FAM135B: variants seen among roughly 807,000 people sequenced by gnomAD.
FAM135B encodes protein FAM135B.
In FAM135B, 43 loss-of-function variants were observed where a neutral mutation model predicts 127.7. That is an observed-to-expected ratio of 0.34 (90% CI 0.26 to 0.43). The LOEUF (loss-of-function observed/expected upper bound fraction) is 0.43, where lower values mean the gene tolerates loss of function less well. Ranked by LOEUF, FAM135B falls within the 20% of genes least tolerant of loss-of-function variation. The pLI is 1.00. For synonymous variants in FAM135B, 670 were observed against 665.1 expected (o/e 1.01, Z -0.11); for missense variants, 1,558 against 1,725.6 (o/e 0.90, Z 1.72).
intron 1 of FAM135B, among the ~76,000 whole-genome samples, chr8:138,488,498 C>T (rs982921283): frequency 4.0e-5 from 6 of 151,512 alleles, no homozygotes; most frequent in African/African-American, 1.5e-4. Context: ...CCAGAGACAT[C>T]ACTACAAAGA....
intron 1 of FAM135B, among the ~76,000 whole-genome samples, chr8:138,416,816 G>A (rs1439092885): frequency 6.6e-6 from 1 of 152,078 alleles, no homozygotes; most frequent in African/African-American, 2.4e-5. Context: ...GAGGGAGGGT[G>A]CAGATGCAAG....
chr8:138,264,863 A>G (rs1563835180), intron 4 of FAM135B, among the ~76,000 whole-genome samples: 1 of 152,234 alleles, frequency 6.6e-6, no homozygotes, highest in African/African-American at 2.4e-5. Flanking sequence ...GAATGCAAGT[A>G]GGGGATTTCT....
chr8:138,237,106 G>A (rs1820342463), intron 7 of FAM135B, among the ~76,000 whole-genome samples: 1 of 151,222 alleles, frequency 6.6e-6, no homozygotes, highest in Non-Finnish European at 1.5e-5. Context: ...AGCCTTCCTT[G>A]GGGAAGAACA....
At chr8:138,412,151 C>A (rs1337036492) in intron 1 of FAM135B, among the ~76,000 whole-genome samples, 1 of 152,120 alleles carries the variant, frequency 6.6e-6, no homozygotes, top group African/African-American at 2.4e-5. Flanking sequence ...CATTTGTATC[C>A]CCAGCCTCAG....
At chr8:138,276,130 C>T (rs554463335) in intron 3 of FAM135B, among the ~76,000 whole-genome samples, 1 of 152,262 alleles carries the variant, frequency 6.6e-6, no homozygotes, top group Admixed American at 6.5e-5. Context: ...AGGGTACAGC[C>T]AAGGCCCCAC....
At chr8:138,228,553 CAT>C (rs899776445) in intron 7 of FAM135B, among the ~76,000 whole-genome samples, 6 of 152,104 alleles carry the variant, frequency 3.9e-5, no homozygotes, top group Admixed American at 2.6e-4. Context: ...GCTTGAGAGA[CAT>C]ATGTTGGTGG....
rs188284252 is a variant in FAM135B, at chr8:138,276,421, C to T, written c.158-10579G>A. Reference sequence around the variant, plus strand: ...TAGTTGGAGGTCACAGAATATAGGGCGGAGTTGCGACTACAAAAAATAGCA... The same window carrying T: ...TAGTTGGAGGTCACAGAATATAGGGTGGAGTTGCGACTACAAAAAATAGCA... On this transcript the variant is annotated intron_variant, in intron 3 of 19. Coordinates refer to ENST00000395297, the MANE Select transcript of FAM135B (RefSeq NM_015912.4). Among the ~76,000 whole-genome samples the T allele has an allele frequency of 3.7e-4, 56 of 152,218 alleles. 1 individual carries two copies. Among genetic ancestry groups the T allele is most frequent in the African/African-American group, 1.0e-3 (43 of 41,536 alleles).
intron 3 of FAM135B, among the ~76,000 whole-genome samples, chr8:138,283,170 C>A (rs567949909): frequency 6.6e-6 from 1 of 152,146 alleles, no homozygotes; most frequent in Non-Finnish European, 1.5e-5. Context: ...AAGTTCATAG[C>A]AGTTTTATTC....
chr8:138,345,951 T>G (rs1006144938), intron 2 of FAM135B, among the ~76,000 whole-genome samples: 1 of 152,058 alleles, frequency 6.6e-6, no homozygotes, highest in Non-Finnish European at 1.5e-5. Context: ...GGAACTTAAA[T>G]AAATTTACAA....
intron 2 of FAM135B, among the ~76,000 whole-genome samples, chr8:138,331,967 T>C (rs1173515115): frequency 2.6e-5 from 4 of 152,078 alleles, no homozygotes; most frequent in Non-Finnish European, 5.9e-5. Context: ...CTTAGGCAAG[T>C]CAGTTAATGT....
intron 2 of FAM135B, among the ~76,000 whole-genome samples, chr8:138,361,658 A>G (rs1183911847): frequency 1.3e-5 from 2 of 152,194 alleles, no homozygotes; most frequent in East Asian, 1.9e-4. Context: ...AATAAAAAGT[A>G]TGCTGCAATA....
At chr8:138,259,647 T>C (rs150902085) in intron 4 of FAM135B, among the ~76,000 whole-genome samples, 136 of 152,290 alleles carry the variant, frequency 8.9e-4, no homozygotes, top group African/African-American at 3.2e-3. Flanking sequence ...ACACAGACTT[T>C]GTGATCGGAC....
At chr8:138,144,850 C>T (rs1264956589) in intron 15 of FAM135B, among the ~76,000 whole-genome samples, 2 of 152,184 alleles carry the variant, frequency 1.3e-5, no homozygotes, top group Non-Finnish European at 2.9e-5. Flanking sequence ...GGAAGGATTA[C>T]TTCCTCACCA....
chr8:138,216,292 T>C (rs1432945582), intron 7 of FAM135B, among the ~76,000 whole-genome samples: 1 of 152,182 alleles, frequency 6.6e-6, no homozygotes, highest in African/African-American at 2.4e-5. Flanking sequence ...AGAGGACACA[T>C]CTGATCAATT....
chr8:138,311,757 C>T (rs1436246294), intron 2 of FAM135B, among the ~76,000 whole-genome samples: 2 of 152,188 alleles, frequency 1.3e-5, no homozygotes, highest in Non-Finnish European at 2.9e-5. Flanking sequence ...CATCCTTGCA[C>T]TGCACATACA....
intron 7 of FAM135B, among the ~76,000 whole-genome samples, chr8:138,214,744 CA>C (rs1818418310): frequency 6.6e-6 from 1 of 151,962 alleles, no homozygotes; most frequent in African/African-American, 2.4e-5. Context: ...GCAGAAAGTA[CA>C]AGGTTGAAGC....
At chr8:138,463,252 G>C (rs993326673) in intron 1 of FAM135B, among the ~76,000 whole-genome samples, 15 of 152,150 alleles carry the variant, frequency 9.9e-5, no homozygotes, top group African/African-American at 3.6e-4. Flanking sequence ...AAGCTAATGG[G>C]GATGAAAAGC....
chr8:138,209,269 T>G (rs572511270), intron 7 of FAM135B, among the ~76,000 whole-genome samples: 1 of 151,862 alleles, frequency 6.6e-6, no homozygotes, highest in Non-Finnish European at 1.5e-5. Flanking sequence ...ATGGTAAGTA[T>G]GATACCAGAG....
intron 19 of FAM135B, among the ~76,000 whole-genome samples, chr8:138,135,288 A>G (rs2130517501): frequency 6.6e-6 from 1 of 152,300 alleles, no homozygotes; most frequent in East Asian, 1.9e-4. Flanking sequence ...AAAATTAGCA[A>G]ATCCCTGCAC....
Sources: gnomAD v4.1 joint callset for allele counts (sites outside exome capture counted in the v4.1 genomes callset) on GRCh38, gnomAD v4.1.1 for gene constraint, MANE v1.5 for transcripts, NCBI Gene and HGNC (gene_info 2026-07-23, HGNC 2026-07-21) for gene names.